NDUFS4: variants seen among roughly 807,000 people sequenced by gnomAD.
NDUFS4 encodes NADH:ubiquinone oxidoreductase subunit S4.
A neutral mutation model predicts 24.3 loss-of-function variants in NDUFS4; 28 were observed. The observed-to-expected ratio is 1.15, with a 90% CI of 0.85 to 1.58. The LOEUF (loss-of-function observed/expected upper bound fraction) is 1.58. NDUFS4 is among the 40% of genes most tolerant of loss of function. The pLI is 0.00. For missense variants in NDUFS4, 223 were observed against 207.9 expected, an observed-to-expected ratio of 1.07 and a Z score of -0.45; for synonymous variants, 93 against 69.7, an observed-to-expected ratio of 1.34 and a Z score of -1.67.
chr5:53,618,061 G>C (rs1034268845), intron 2 of NDUFS4, among the ~76,000 whole-genome samples: 1 of 152,138 alleles, frequency 6.6e-6, no homozygotes, highest in Non-Finnish European at 1.5e-5. Flanking sequence ...AGGATCACTT[G>C]AGCCTAGGAG....
At chr5:53,599,545 A>G (rs1362952620) in intron 1 of NDUFS4, among the ~76,000 whole-genome samples, 3 of 152,056 alleles carry the variant, frequency 2.0e-5, no homozygotes, top group Admixed American at 6.5e-5. Flanking sequence ...CCATTTGTAT[A>G]TCTTTTTTGG....
At chr5:53,657,366 TA>T (rs1399801525) in intron 3 of NDUFS4, among the ~76,000 whole-genome samples, 16 of 152,274 alleles carry the variant, frequency 1.1e-4, no homozygotes, top group Non-Finnish European at 1.8e-4. Flanking sequence ...TATATATAAT[TA>T]TAGGAATCTC....
intron 4 of NDUFS4, among the ~76,000 whole-genome samples, chr5:53,679,671 A>T (rs1191452680): frequency 2.0e-5 from 3 of 152,186 alleles, no homozygotes; most frequent in Non-Finnish European, 2.9e-5. Context: ...AGTGAATGAG[A>T]GAGTGATTAT....
At chr5:53,610,937 A>C (rs1022295730) in intron 2 of NDUFS4, among the ~76,000 whole-genome samples, 1 of 152,122 alleles carries the variant, frequency 6.6e-6, no homozygotes, top group Non-Finnish European at 1.5e-5. Context: ...TGTCATACTT[A>C]TGTGGATTTC....
intron 2 of NDUFS4, among the ~76,000 whole-genome samples, chr5:53,618,195 T>A: frequency 6.6e-6 from 1 of 152,128 alleles, no homozygotes; most frequent in East Asian, 1.9e-4. Context: ...GAACTATTAA[T>A]ACTCAGGAGA....
At chr5:53,624,959 T>G (rs1468177408) in intron 2 of NDUFS4, among the ~76,000 whole-genome samples, 1 of 151,606 alleles carries the variant, frequency 6.6e-6, no homozygotes. Flanking sequence ...GTGTGTTTTG[T>G]TTGTTTGTTT....
chr5:53,644,816 A>G (rs1751811229), intron 2 of NDUFS4, among the ~76,000 whole-genome samples: 1 of 152,118 alleles, frequency 6.6e-6, no homozygotes, highest in Admixed American at 6.6e-5. Flanking sequence ...AGCCACACCT[A>G]ATTATTGACG....
chr5:53,672,066 GT>G (rs1389669547), intron 4 of NDUFS4, among the ~76,000 whole-genome samples: 11 of 152,032 alleles, frequency 7.2e-5, no homozygotes, highest in Admixed American at 5.9e-4. Context: ...AAGGAAACAG[GT>G]CTGGCCCTGG....
intron 4 of NDUFS4, among the ~76,000 whole-genome samples, chr5:53,680,512 A>G (rs1740627575): frequency 6.6e-6 from 1 of 152,220 alleles, no homozygotes; most frequent in Admixed American, 6.5e-5. Flanking sequence ...CTATGTAGCC[A>G]TAAAAAATGA....
intron 1 of NDUFS4, among the ~76,000 whole-genome samples, chr5:53,562,169 A>C (rs995200633): frequency 6.6e-6 from 1 of 152,026 alleles, no homozygotes; most frequent in African/African-American, 2.4e-5. Flanking sequence ...ACACCTGGCT[A>C]ATTTTTGTAT....
At chr5:53,610,590 G>A (rs1373023537) in intron 2 of NDUFS4, among the ~76,000 whole-genome samples, 3 of 152,162 alleles carry the variant, frequency 2.0e-5, no homozygotes, top group Admixed American at 1.3e-4. Context: ...GCACAGTAAA[G>A]CAAAGTTCAT....
chr5:53,580,992 C>T (rs1016126795), intron 1 of NDUFS4, among the ~76,000 whole-genome samples: 1 of 152,200 alleles, frequency 6.6e-6, no homozygotes, highest in South Asian at 2.1e-4. Context: ...TGCCACCGTG[C>T]CCGGCTAATT....
At chr5:53,583,974 T>A in intron 1 of NDUFS4, among the ~76,000 whole-genome samples, 1 of 152,110 alleles carries the variant, frequency 6.6e-6, no homozygotes. Context: ...AATCTTGGGA[T>A]GTTGGATGAT....
chr5:53,629,483 A>T (rs985560713), intron 2 of NDUFS4, among the ~76,000 whole-genome samples: 12 of 152,058 alleles, frequency 7.9e-5, no homozygotes, highest in African/African-American at 2.9e-4. Flanking sequence ...GTGGTGTGTT[A>T]AAGTCTTCCA....
rs183486005 is a variant in NDUFS4, at chr5:53,627,123, T to G, written c.178-19110T>G. Among the ~76,000 whole-genome samples, 18 of 152,302 alleles carry G rather than the reference T, an allele frequency of 1.2e-4. 1 individual carries two copies. In the East Asian group the frequency reaches 3.5e-3, roughly 29 times the overall value. On this transcript the variant is annotated intron_variant, in intron 2 of 4. Transcript: ENST00000296684. ...TATGGCTAGCCAGTTCCCAGCACCA[T>G]TTATTAAAAAGGGAATCCTTTCCCC...
At chr5:53,576,820 T>A (rs1749403488) in intron 1 of NDUFS4, among the ~76,000 whole-genome samples, 1 of 152,238 alleles carries the variant, frequency 6.6e-6, no homozygotes, top group African/African-American at 2.4e-5. Context: ...ACTATCTTTT[T>A]TCCTAATGAA....
At chr5:53,628,438 A>G (rs750255228) in intron 2 of NDUFS4, among the ~76,000 whole-genome samples, 3 of 152,164 alleles carry the variant, frequency 2.0e-5, no homozygotes, top group Non-Finnish European at 4.4e-5. Context: ...ATTGATTGGA[A>G]TAGTTTCAGA....
chr5:53,591,455 T>C (rs1749953481), intron 1 of NDUFS4, among the ~76,000 whole-genome samples: 1 of 52,454 alleles, frequency 1.9e-5, no homozygotes, highest in South Asian at 8.9e-4. Context: ...TTTTGTTTGT[T>C]TTTTTTGGGG....
chr5:53,642,244 T>A (rs563737114), intron 2 of NDUFS4, among the ~76,000 whole-genome samples: 35 of 152,258 alleles, frequency 2.3e-4, no homozygotes, highest in Non-Finnish European at 3.5e-4. Flanking sequence ...TTAAGTGAAA[T>A]GGTGCCAAAA....
Sources: allele counts gnomAD v4.1 joint callset (sites outside exome capture counted in the v4.1 genomes callset), GRCh38; gene constraint gnomAD v4.1.1; transcripts MANE v1.5; gene names NCBI Gene and HGNC (gene_info 2026-07-23, HGNC 2026-07-21).